The following HIVEP3 variants were observed in gnomAD, a reference collection of about 807,000 sequenced individuals.
The protein encoded by HIVEP3 is transcription factor HIVEP3.
In HIVEP3, 49 loss-of-function variants were observed where a neutral mutation model predicts 152.8. The observed-to-expected ratio is 0.32, with a 90% CI of 0.26 to 0.41. The LOEUF (loss-of-function observed/expected upper bound fraction) is 0.41, where lower values mean the gene tolerates loss of function less well. Among genes scored for constraint, HIVEP3 ranks in the 10% least tolerant of loss-of-function variants. The pLI is 1.00. For missense variants in HIVEP3, 2,790 were observed against 3,103.3 expected, an observed-to-expected ratio of 0.90 and a Z score of 2.40; for synonymous variants, 1,269 against 1,289.0, an observed-to-expected ratio of 0.98 and a Z score of 0.33.
intron 1 of HIVEP3, among the ~76,000 whole-genome samples, chr1:41,782,935 C>A (rs1237945156): frequency 2.0e-5 from 3 of 152,050 alleles, no homozygotes; most frequent in South Asian, 2.1e-4. Context: ...ACACCTCACT[C>A]CCCCCACACT....
At chr1:41,851,792 C>T (rs915159752) in intron 1 of HIVEP3, among the ~76,000 whole-genome samples, 3 of 152,140 alleles carry the variant, frequency 2.0e-5, no homozygotes, top group South Asian at 2.1e-4. Context: ...GGGGTGGTGT[C>T]GATTTACTTC....
At chr1:41,540,115 C>G (rs1197237698) in intron 5 of HIVEP3, among the ~76,000 whole-genome samples, 2 of 152,202 alleles carry the variant, frequency 1.3e-5, no homozygotes, top group Admixed American at 1.3e-4. Context: ...CTGGAAGCCC[C>G]CCATTGGGGC....
intron 2 of HIVEP3, among the ~76,000 whole-genome samples, chr1:41,651,680 G>T (rs1167304630): frequency 6.6e-6 from 1 of 152,218 alleles, no homozygotes; most frequent in Non-Finnish European, 1.5e-5. Flanking sequence ...GATACCAAGG[G>T]ATGACTGAAT....
At chr1:41,983,126 G>A (rs1458575582) in intron 1 of HIVEP3, among the ~76,000 whole-genome samples, 1 of 152,216 alleles carries the variant, frequency 6.6e-6, no homozygotes, top group African/African-American at 2.4e-5. Flanking sequence ...ACAGGAGGCG[G>A]AGCTCAGGAG....
chr1:41,952,082 C>T lies in HIVEP3; in HGVS notation n.120-33558G>A, dbSNP rs141745934. Among the ~76,000 whole-genome samples the T allele has an allele frequency of 1.1e-4, 17 of 152,340 alleles. No individual in the cohort carries two copies. The East Asian group carries it at 3.3e-3, about 29-fold the overall frequency. Reference sequence around the variant, plus strand: ...GCATTTCACTTGCCCTTCCATAAAGCAGCAGCTCTCCTTCAGGGCTATCTT... The same window carrying T: ...GCATTTCACTTGCCCTTCCATAAAGTAGCAGCTCTCCTTCAGGGCTATCTT... On this transcript the variant is annotated intron_variant and non_coding_transcript_variant, in intron 1 of 3. Coordinates refer to the HIVEP3 transcript ENST00000489103.
intron 2 of HIVEP3, among the ~76,000 whole-genome samples, chr1:41,672,056 G>C (rs1156994011): frequency 6.6e-6 from 1 of 152,190 alleles, no homozygotes; most frequent in Non-Finnish European, 1.5e-5. Flanking sequence ...AGGTGGGAGA[G>C]TCTATGGGGG....
chr1:41,780,081 C>T (rs1457999986), intron 1 of HIVEP3, among the ~76,000 whole-genome samples: 1 of 152,164 alleles, frequency 6.6e-6, no homozygotes, highest in African/African-American at 2.4e-5. Flanking sequence ...AAGAACCAAC[C>T]TTGCTAGGGA....
chr1:41,559,902 C>G (rs1644032464), intron 5 of HIVEP3, among the ~76,000 whole-genome samples: 2 of 152,216 alleles, frequency 1.3e-5, no homozygotes, highest in Admixed American at 6.5e-5. Context: ...CATACCAACC[C>G]TCTAAGATAT....
intron 1 of HIVEP3, among the ~76,000 whole-genome samples, chr1:41,871,872 A>C (rs1343854461): frequency 6.6e-6 from 1 of 152,238 alleles, no homozygotes; most frequent in African/African-American, 2.4e-5. Flanking sequence ...CACATTGATG[A>C]GCCCAAGACC....
intron 1 of HIVEP3, among the ~76,000 whole-genome samples, chr1:41,852,798 TAATGAC>T (rs1643641118): frequency 1.3e-5 from 2 of 152,246 alleles, no homozygotes; most frequent in South Asian, 4.1e-4. Flanking sequence ...GTGATAACCT[TAATGAC>T]AAGTCTCATG....
At chr1:41,616,053 A>G (rs952734235) in intron 3 of HIVEP3, among the ~76,000 whole-genome samples, 2 of 152,206 alleles carry the variant, frequency 1.3e-5, no homozygotes, top group Non-Finnish European at 2.9e-5. Context: ...GATTTCCACA[A>G]GAGACATGCC....
chr1:41,509,141 C>T lies in HIVEP3; in HGVS notation c.*1310G>A, dbSNP rs539213050. 10 of 152,226 alleles carry T rather than the reference C, an allele frequency of 6.6e-5. No individual in the cohort carries two copies. Among genetic ancestry groups the T allele is most frequent in the South Asian group, 2.1e-4 (1 of 4,816 alleles). 9.4% of individuals were successfully genotyped at this position (152,226 alleles called of 1,614,324 possible). ...CACTGATTGCTTTGGAGAATTCCAACGAGTTAGGACAATTCAAAAATCCTC... is the reference window on the plus strand; with the variant it reads ...CACTGATTGCTTTGGAGAATTCCAATGAGTTAGGACAATTCAAAAATCCTC... On this transcript the variant is annotated 3_prime_UTR_variant, in exon 9 of 9. Transcript: ENST00000372583.
At chr1:41,637,632 C>T (rs565220698) in intron 2 of HIVEP3, among the ~76,000 whole-genome samples, 1 of 152,342 alleles carries the variant, frequency 6.6e-6, no homozygotes, top group East Asian at 1.9e-4. Context: ...ATCACAGACA[C>T]ACATCTATCT....
intron 1 of HIVEP3, among the ~76,000 whole-genome samples, chr1:42,034,560 C>T (rs1394527447): frequency 6.6e-6 from 1 of 152,206 alleles, no homozygotes; most frequent in African/African-American, 2.4e-5. Context: ...ATTAAGTCCA[C>T]TCTTAGAGGT....
At chr1:41,577,044 G>C (rs903664065) in intron 4 of HIVEP3, among the ~76,000 whole-genome samples, 1 of 152,108 alleles carries the variant, frequency 6.6e-6, no homozygotes, top group Non-Finnish European at 1.5e-5. Context: ...AATGACCAAG[G>C]TGCCTCCCAC....
At chr1:41,742,116 G>A (rs1196719754) in intron 1 of HIVEP3, among the ~76,000 whole-genome samples, 2 of 152,094 alleles carry the variant, frequency 1.3e-5, no homozygotes, top group East Asian at 1.9e-4. Flanking sequence ...CCAGAAGTTC[G>A]AGGTGGGGCT....
intron 5 of HIVEP3, among the ~76,000 whole-genome samples, chr1:41,528,974 ACACT>A (rs1643130950): frequency 1.1e-5 from 1 of 89,740 alleles, no homozygotes; most frequent in Non-Finnish European, 2.2e-5. Context: ...CCCCACCCTC[ACACT>A]CACCTTCACA....
chr1:41,866,721 G>A (rs1303051672), intron 1 of HIVEP3, among the ~76,000 whole-genome samples: 4 of 152,100 alleles, frequency 2.6e-5, no homozygotes, highest in Admixed American at 2.0e-4. Flanking sequence ...GAACACATCC[G>A]ACCATCAGGC....
intron 1 of HIVEP3, among the ~76,000 whole-genome samples, chr1:42,020,267 G>A: frequency 6.6e-6 from 1 of 151,848 alleles, no homozygotes; most frequent in Admixed American, 6.6e-5. Flanking sequence ...ATGTAAGATT[G>A]ATGTTATTAT....
Sources: gnomAD v4.1 joint callset for allele counts (sites outside exome capture counted in the v4.1 genomes callset) on GRCh38, gnomAD v4.1.1 for gene constraint, MANE v1.5 for transcripts, NCBI Gene and HGNC (gene_info 2026-07-23, HGNC 2026-07-21) for gene names.